THSD7A: variants seen among roughly 807,000 people sequenced by gnomAD.
The protein encoded by THSD7A is thrombospondin type 1 domain containing 7A.
In THSD7A, 96 loss-of-function variants were observed where a neutral mutation model predicts 231.3. That is an observed-to-expected ratio of 0.41 (90% CI 0.35 to 0.49). The LOEUF (loss-of-function observed/expected upper bound fraction) is 0.49, where lower values mean the gene tolerates loss of function less well. Ranked by LOEUF, THSD7A falls within the 20% of genes least tolerant of loss-of-function variation. The probability of loss-of-function intolerance (pLI) is 0.05; values close to 1 mark genes in which losing one functional copy is unlikely to be tolerated. For synonymous variants in THSD7A, 940 were observed against 743.3 expected (o/e 1.26, Z -4.30); for missense variants, 2,290 against 2,070.2 (o/e 1.11, Z -2.06).
intron 1 of THSD7A, among the ~76,000 whole-genome samples, chr7:11,794,534 T>TA (rs1353922490): frequency 6.6e-6 from 1 of 151,978 alleles, no homozygotes; most frequent in African/African-American, 2.4e-5. Context: ...GGCAACATGA[T>TA]ATAAGGATTT....
intron 6 of THSD7A, among the ~76,000 whole-genome samples, chr7:11,506,082 A>G (rs2189316): frequency 0.29 from 44,622 of 152,036 alleles, 6,751 homozygotes; most frequent in South Asian, 0.42. Flanking sequence ...TCCTCAGTAC[A>G]TGCAGATAAT....
At chr7:11,572,901 T>G (rs1790709057) in intron 4 of THSD7A, among the ~76,000 whole-genome samples, 1 of 152,174 alleles carries the variant, frequency 6.6e-6, no homozygotes, top group Non-Finnish European at 1.5e-5. Context: ...TAGTAACTTT[T>G]TATTATATTT....
chr7:11,531,738 G>A (rs534532098), intron 6 of THSD7A, among the ~76,000 whole-genome samples: 2 of 152,334 alleles, frequency 1.3e-5, no homozygotes, highest in East Asian at 1.9e-4. Context: ...AAGATGATGA[G>A]TTTGACTTTG....
chr7:11,491,243 T>C (rs2128307575), intron 6 of THSD7A, among the ~76,000 whole-genome samples: 1 of 152,216 alleles, frequency 6.6e-6, no homozygotes, highest in East Asian at 1.9e-4. Context: ...TACGTAATTT[T>C]TGATTGTTAA....
At chr7:11,643,441 C>A (rs1420242894) in intron 1 of THSD7A, among the ~76,000 whole-genome samples, 1 of 152,004 alleles carries the variant, frequency 6.6e-6, no homozygotes, top group African/African-American at 2.4e-5. Context: ...GATAACTAAT[C>A]CTAGTCATCG....
rs374324282 is a variant in THSD7A, at chr7:11,407,063, A to G, written c.3917-8T>C. 1 of 1,613,462 alleles carries G rather than the reference A, an allele frequency of 6.2e-7. No individual in the cohort carries two copies. The highest frequency in any genetic ancestry group is 8.5e-7 in the Non-Finnish European group (1 of 1,179,722). On this transcript the variant is annotated splice_polypyrimidine_tract_variant and splice_region_variant and intron_variant, in intron 20 of 27. Transcript: ENST00000423059. ...GTCTTCGGATCATTTTTCCTTGAAG[A>G]GATACAAAGTGATGCACCTTTAATA...
intron 11 of THSD7A, among the ~76,000 whole-genome samples, chr7:11,458,323 A>T (rs1180352297): frequency 1.3e-5 from 2 of 152,124 alleles, no homozygotes; most frequent in African/African-American, 4.8e-5. Flanking sequence ...GTCTTCTTGC[A>T]ATTAGTAAAA....
At chr7:11,556,011 C>G (rs891074276) in intron 4 of THSD7A, among the ~76,000 whole-genome samples, 1 of 151,324 alleles carries the variant, frequency 6.6e-6, no homozygotes, top group African/African-American at 2.4e-5. Context: ...ATAGTTGGGT[C>G]CTGCTTCTTA....
chr7:11,404,207 G>A (rs569647274), intron 22 of THSD7A, among the ~76,000 whole-genome samples: 2 of 152,268 alleles, frequency 1.3e-5, no homozygotes, highest in African/African-American at 4.8e-5. Flanking sequence ...AGCTGTACAA[G>A]GACAGGGTCT....
intron 23 of THSD7A, among the ~76,000 whole-genome samples, chr7:11,390,010 G>C (rs1455428589): frequency 6.6e-6 from 1 of 152,146 alleles, no homozygotes; most frequent in East Asian, 1.9e-4. Flanking sequence ...TTCCCTTTGT[G>C]GGTAACCTGA....
At chr7:11,575,962 C>A (rs372941629) in intron 4 of THSD7A, among the ~76,000 whole-genome samples, 2 of 152,120 alleles carry the variant, frequency 1.3e-5, no homozygotes, top group South Asian at 4.1e-4. Flanking sequence ...GGCTCTAGAA[C>A]CAGAAATCAT....
chr7:11,640,293 A>G (rs573667078), intron 1 of THSD7A, among the ~76,000 whole-genome samples: 4 of 152,234 alleles, frequency 2.6e-5, no homozygotes, highest in Non-Finnish European at 5.9e-5. Flanking sequence ...AACCAAATCA[A>G]GAAAATACTT....
At chr7:11,574,679 G>A (rs540731493) in intron 4 of THSD7A, among the ~76,000 whole-genome samples, 4 of 150,652 alleles carry the variant, frequency 2.7e-5, no homozygotes, top group East Asian at 3.9e-4. Context: ...CTCGTGATCC[G>A]CCCACCTCGG....
Position 11,452,733 on chromosome 7 carries a change from G to A in THSD7A, c.2606-5309C>T, listed in dbSNP as rs190342616. On this transcript the variant is annotated intron_variant, in intron 11 of 27. Transcript: ENST00000423059. ...TTTTATGAGCTACTATTTAAAAAAT[G>A]GCAAATGTTAATAAGCATTTTATGA... Among the ~76,000 whole-genome samples, 332 of 151,970 alleles carry A rather than the reference G, an allele frequency of 2.2e-3. 1 individual carries two copies. Among genetic ancestry groups the A allele is most frequent in the African/African-American group, 6.6e-3 (274 of 41,484 alleles).
At position 11,421,338 on chromosome 7, in the gene THSD7A, C is replaced by G. The variant is rs377100137; in HGVS notation, c.3383+3358G>C. On this transcript the variant is annotated intron_variant, in intron 16 of 27. Coordinates refer to ENST00000423059, the MANE Select transcript of THSD7A (RefSeq NM_015204.3). ...GTTGTTGTAAAGTGTGTGGCACTTC[C>G]CCCTTCGCTCTTTCTCTCTCCTGCT... 4.8e-4 allele frequency among the ~76,000 whole-genome samples: 73 copies of G among 152,198 alleles called. No individual in the cohort carries two copies. In the East Asian group the frequency reaches 0.012, roughly 25 times the overall value.
At chr7:11,416,994 C>G (rs1011653163) in intron 17 of THSD7A, among the ~76,000 whole-genome samples, 2 of 152,102 alleles carry the variant, frequency 1.3e-5, no homozygotes, top group Admixed American at 1.3e-4. Context: ...TGTTAATACC[C>G]CTGCTGCTGT....
chr7:11,480,222 A>T (rs934645118), intron 7 of THSD7A, among the ~76,000 whole-genome samples: 8 of 152,192 alleles, frequency 5.3e-5, no homozygotes, highest in Non-Finnish European at 1.2e-4. Flanking sequence ...TCAAAGAGCA[A>T]TCACAAATTT....
At chr7:11,549,098 A>T (rs1377269810) in intron 4 of THSD7A, among the ~76,000 whole-genome samples, 2 of 152,194 alleles carry the variant, frequency 1.3e-5, no homozygotes, top group Admixed American at 6.5e-5. Flanking sequence ...ATGAAAAGAC[A>T]CTTCTCAAAA....
At chr7:11,574,991 G>A (rs1790826857) in intron 4 of THSD7A, among the ~76,000 whole-genome samples, 1 of 152,034 alleles carries the variant, frequency 6.6e-6, no homozygotes, top group African/African-American at 2.4e-5. Context: ...TGATTATGAC[G>A]TTTACTAGCT....
Sources: gnomAD v4.1 joint callset for allele counts (sites outside exome capture counted in the v4.1 genomes callset) on GRCh38, gnomAD v4.1.1 for gene constraint, MANE v1.5 for transcripts, NCBI Gene and HGNC (gene_info 2026-07-23, HGNC 2026-07-21) for gene names.